Variants in ERBB4 observed in about 807,000 individuals in gnomAD.
The protein encoded by ERBB4 is receptor tyrosine-protein kinase erbB-4.
ERBB4 carries 42 observed loss-of-function variants against 158.0 expected under a neutral mutation model. The observed-to-expected ratio is 0.27, with a 90% CI of 0.21 to 0.34. ERBB4 has a LOEUF of 0.34. Among genes scored for constraint, ERBB4 ranks in the 10% least tolerant of loss-of-function variants. The pLI is 1.00. For missense variants in ERBB4, 1,333 were observed against 1,624.1 expected (o/e 0.82, Z 3.08); for synonymous variants, 583 against 558.7 (o/e 1.04, Z -0.61).
chr2:211,819,088 C>A (rs115428287), intron 3 of ERBB4, among the ~76,000 whole-genome samples: 1,772 of 152,120 alleles, frequency 0.012, 40 homozygotes, highest in African/African-American at 0.039. Context: ...CTGATTTGAA[C>A]CTTGCCTAAA....
intron 3 of ERBB4, among the ~76,000 whole-genome samples, chr2:211,910,384 C>T (rs79370382): frequency 2.0e-5 from 3 of 146,960 alleles, no homozygotes; most frequent in South Asian, 4.3e-4. Flanking sequence ...CCCAAGATCA[C>T]GTCCTTTCTC....
chr2:212,202,251 C>G (rs954464652), intron 1 of ERBB4, among the ~76,000 whole-genome samples: 3 of 152,142 alleles, frequency 2.0e-5, no homozygotes, highest in Non-Finnish European at 4.4e-5. Flanking sequence ...GCATATTCAT[C>G]ATTTCTATGT....
At chr2:212,056,530 A>C (rs542227119) in intron 2 of ERBB4, among the ~76,000 whole-genome samples, 1 of 152,202 alleles carries the variant, frequency 6.6e-6, no homozygotes, top group Non-Finnish European at 1.5e-5. Flanking sequence ...GCCAGAGAGA[A>C]AGGTCGGGTT....
intron 3 of ERBB4, among the ~76,000 whole-genome samples, chr2:211,873,147 G>A (rs1279073020): frequency 2.0e-5 from 3 of 151,170 alleles, no homozygotes; most frequent in Non-Finnish European, 3.0e-5. Flanking sequence ...GGAGTGCCAC[G>A]AGTAAGCTAA....
Position 211,716,269 on chromosome 2 carries a change from G to A in ERBB4, c.884-2621C>T, listed in dbSNP as rs561954280. Among the ~76,000 whole-genome samples the A allele has an allele frequency of 3.9e-4, 59 of 149,440 alleles. 1 individual carries two copies. The South Asian group carries it at 0.012, about 30-fold the overall frequency. ...CCCAGCTACTAGGGAGACTGAGGCA[G>A]GAGAATTGCTTGAACCCGGGAGGTG... On this transcript the variant is annotated intron_variant, in intron 7 of 27. Coordinates refer to ENST00000342788, the MANE Select transcript of ERBB4 (RefSeq NM_005235.3).
At chr2:212,296,518 A>C (rs2086417495) in intron 1 of ERBB4, among the ~76,000 whole-genome samples, 1 of 152,018 alleles carries the variant, frequency 6.6e-6, no homozygotes, top group Non-Finnish European at 1.5e-5. Context: ...AAATTAATAT[A>C]TTCAAGATAA....
chr2:212,240,637 CAAAAAAA>C (rs71054188), intron 1 of ERBB4, among the ~76,000 whole-genome samples: 85 of 35,790 alleles, frequency 2.4e-3, no homozygotes, highest in African/African-American at 6.7e-3. Context: ...CACTCTGGCT[CAAAAAAA>C]AAAAAAAAAA....
Position 211,630,541 on chromosome 2 carries a change from A to G in ERBB4, c.2000T>C (p.Val667Ala), listed in dbSNP as rs138313493. Residue 667 changes from valine to alanine, a missense_variant, in exon 17 of 28, where the codon GTG becomes GCG. This residue lies in a region of ERBB4 where 245 missense variants were observed against 247.5 expected (regional missense o/e 0.99). Coordinates refer to ENST00000342788, the MANE Select transcript of ERBB4 (RefSeq NM_005235.3). ...VIGGLFILVI[V>A]GLTFAVYVRR... ...AACATAAACAGCAAATGTCAGACCC[A>G]CAATGACCAGAATGAAGAGCCCACC... The G allele has an allele frequency of 4.3e-6, 7 of 1,613,678 alleles. No homozygotes were observed. The highest frequency in any genetic ancestry group is 1.7e-6 in the Non-Finnish European group (2 of 1,179,844).
intron 2 of ERBB4, among the ~76,000 whole-genome samples, chr2:212,036,774 T>C (rs2077024843): frequency 6.6e-6 from 1 of 152,088 alleles, no homozygotes; most frequent in Non-Finnish European, 1.5e-5. Flanking sequence ...CCAAATACAT[T>C]TTATTCTTAT....
chr2:211,914,877 C>A (rs905314399), intron 3 of ERBB4, among the ~76,000 whole-genome samples: 6 of 151,974 alleles, frequency 3.9e-5, no homozygotes, highest in African/African-American at 1.4e-4. Flanking sequence ...GAGGGGAAAG[C>A]AGAACAGAGG....
rs1462813120 is a variant in ERBB4 at position 212,015,042 on chromosome 2, ATATATATATATATATATATATATATAT to A, written c.235-67453_235-67427del. On this transcript the variant is annotated intron_variant, in intron 2 of 27. Coordinates refer to ENST00000342788, the MANE Select transcript of ERBB4 (RefSeq NM_005235.3). The stretch of plus-strand genomic sequence containing the variant: ...CCCGTCTCTACTAAAAAAAAAAAAA[ATATATATATATATATATATATATATAT>A]ATATATATATATATATATATATATA... Among the ~76,000 whole-genome samples, 35 of 11,632 alleles carry A rather than the reference ATATATATATATATATATATATATATAT, an allele frequency of 3.0e-3. 4 individuals are homozygous for A. Among genetic ancestry groups the A allele is most frequent in the African/African-American group, 6.7e-3 (28 of 4,186 alleles). 7.6% of individuals were successfully genotyped at this position (11,632 alleles called of 152,430 possible).
At chr2:212,068,104 A>G (rs969428022) in intron 2 of ERBB4, among the ~76,000 whole-genome samples, 2 of 152,056 alleles carry the variant, frequency 1.3e-5, no homozygotes, top group Admixed American at 6.6e-5. Context: ...TCTTAGTATT[A>G]TTCCCATGAT....
At chr2:211,955,325 T>C (rs566284048) in intron 2 of ERBB4, among the ~76,000 whole-genome samples, 5 of 152,184 alleles carry the variant, frequency 3.3e-5, no homozygotes, top group African/African-American at 4.8e-5. Context: ...TTTAGTTCCA[T>C]TGAGAAGAGG....
At chr2:211,442,982 C>G (rs1189697488) in intron 20 of ERBB4, among the ~76,000 whole-genome samples, 2 of 151,862 alleles carry the variant, frequency 1.3e-5, no homozygotes, top group African/African-American at 4.8e-5. Flanking sequence ...CTCAGTTTGA[C>G]CCTCCTCACA....
In ERBB4 at chr2:211,998,377, G is replaced by A. The variant is rs1011204864; in HGVS notation, c.235-50761C>T. 5.3e-5 allele frequency among the ~76,000 whole-genome samples: 8 copies of A among 151,796 alleles called. No homozygotes were observed. The East Asian group carries it at 1.2e-3, about 22-fold the overall frequency. On this transcript the variant is annotated intron_variant, in intron 2 of 27. Coordinates refer to ENST00000342788, the MANE Select transcript of ERBB4 (RefSeq NM_005235.3). ...TGTGATGTGTTATGTTTTGTGCTAA[G>A]AGCTTTATGTACATTATCTTACTTG...
intron 19 of ERBB4, among the ~76,000 whole-genome samples, chr2:211,599,252 G>T (rs916359872): frequency 6.6e-6 from 1 of 151,998 alleles, no homozygotes; most frequent in East Asian, 1.9e-4. Flanking sequence ...AAATCCCCAG[G>T]AACTGAATGA....
At chr2:212,087,089 G>A (rs1161942429) in intron 2 of ERBB4, among the ~76,000 whole-genome samples, 1 of 151,844 alleles carries the variant, frequency 6.6e-6, no homozygotes, top group African/African-American at 2.4e-5. Context: ...AAGATCATCT[G>A]TTGATTGTTA....
chr2:212,520,126 A>C (rs1001687346), intron 1 of ERBB4, among the ~76,000 whole-genome samples: 3 of 151,984 alleles, frequency 2.0e-5, no homozygotes, highest in Non-Finnish European at 2.9e-5. Context: ...TTTGTCTTAA[A>C]ATATGTTGTT....
At chr2:211,561,447 A>G (rs2067389902) in intron 20 of ERBB4, among the ~76,000 whole-genome samples, 1 of 152,210 alleles carries the variant, frequency 6.6e-6, no homozygotes, top group Non-Finnish European at 1.5e-5. Context: ...AAACCAATTG[A>G]AGATCATCAA....
Sources: allele counts gnomAD v4.1 joint callset (sites outside exome capture counted in the v4.1 genomes callset), GRCh38; gene constraint gnomAD v4.1.1; regional missense constraint gnomAD v4.1.1; transcripts MANE v1.5; gene names NCBI Gene and HGNC (gene_info 2026-07-23, HGNC 2026-07-21).